RAB11FIP4: variants seen among roughly 807,000 people sequenced by gnomAD.
RAB11FIP4 encodes the protein RAB11 family interacting protein 4.
Under a neutral mutation model 74.3 loss-of-function variants are expected in RAB11FIP4, and 23 were observed. The observed-to-expected ratio is 0.31, with a 90% confidence interval of 0.22 to 0.44. The LOEUF (loss-of-function observed/expected upper bound fraction) is 0.44, where lower values mean the gene tolerates loss of function less well. Ranked by LOEUF, RAB11FIP4 falls within the 20% of genes least tolerant of loss-of-function variation. The pLI is 1.00. For synonymous variants in RAB11FIP4, 360 were observed against 359.9 expected (o/e 1.00, Z 0.00); for missense variants, 630 against 863.9 (o/e 0.73, Z 3.39).
intron 7 of RAB11FIP4, chr17:31,522,655 G>T (rs1370426642): frequency 1.8e-6 from 1 of 542,610 alleles, no homozygotes; most frequent in Non-Finnish European, 3.3e-6. Flanking sequence ...GCATGCCAGG[G>T]ATGCCCTGAG....
intron 3 of RAB11FIP4, among the ~76,000 whole-genome samples, chr17:31,454,742 G>T (rs975556760): frequency 2.6e-5 from 4 of 152,162 alleles, no homozygotes; most frequent in African/African-American, 9.6e-5. Flanking sequence ...AAATTAATCA[G>T]GCCCGGTGGT....
chr17:31,517,196 G>GA (rs2072571047), intron 3 of RAB11FIP4, among the ~76,000 whole-genome samples: 3 of 132,544 alleles, frequency 2.3e-5, no homozygotes, highest in African/African-American at 8.2e-5. Flanking sequence ...CGGTGCGGGG[G>GA]GGGGGGCGGT....
At chr17:31,529,938 G>C (rs181359626) in intron 13 of RAB11FIP4, among the ~76,000 whole-genome samples, 1 of 152,200 alleles carries the variant, frequency 6.6e-6, no homozygotes, top group African/African-American at 2.4e-5. Context: ...CGTGGCTGCT[G>C]GGGGAGCCAA....
intron 3 of RAB11FIP4, among the ~76,000 whole-genome samples, chr17:31,480,194 G>A (rs762869793): frequency 6.6e-6 from 1 of 152,048 alleles, no homozygotes; most frequent in Non-Finnish European, 1.5e-5. Flanking sequence ...ACAAGCCCTC[G>A]GCGGCTGCAC....
chr17:31,524,783 A>T, intron 9 of RAB11FIP4: 1 of 440,634 alleles, frequency 2.3e-6, no homozygotes, highest in South Asian at 2.9e-5. Flanking sequence ...CACAAAAAGA[A>T]GAGGTGAGGC....
rs146120006 is a variant in RAB11FIP4 at position 31,537,849 on chromosome 17, G to A, written c.*6117G>A. The A allele has an allele frequency of 1.8e-3, 280 of 152,960 alleles. 1 individual carries two copies. The highest frequency in any genetic ancestry group is 6.8e-3 in the Middle Eastern group (2 of 296). 9.5% of individuals were successfully genotyped at this position (152,960 alleles called of 1,614,324 possible). On this transcript the variant is annotated 3_prime_UTR_variant, in exon 15 of 15. Coordinates refer to ENST00000621161, the MANE Select transcript of RAB11FIP4 (RefSeq NM_032932.6). ...CATTGCCAAGGACTCACAGCTGTGG[G>A]CTCCCTTCCAGCTCCTCCCACTTTC... is the stretch of plus-strand genomic sequence containing the variant.
At chr17:31,487,817 C>A (rs1025209853) in intron 3 of RAB11FIP4, among the ~76,000 whole-genome samples, 2 of 152,116 alleles carry the variant, frequency 1.3e-5, no homozygotes, top group Admixed American at 1.3e-4. Flanking sequence ...GCTGGGCGCG[C>A]CCAGGCGAGC....
intron 3 of RAB11FIP4, among the ~76,000 whole-genome samples, chr17:31,436,765 T>C (rs201660257): frequency 3.3e-5 from 1 of 30,214 alleles, no homozygotes; most frequent in Non-Finnish European, 6.0e-5. Flanking sequence ...TTTTTTTTTG[T>C]TTTTTTTTGT....
At position 31,534,124 on chromosome 17, in the gene RAB11FIP4, G is replaced by A. The variant is rs758419626; in HGVS notation, c.*2392G>A. 3 of 152,244 alleles carry A rather than the reference G, an allele frequency of 2.0e-5. No homozygotes were observed. Among genetic ancestry groups the A allele is most frequent in the African/African-American group, 4.8e-5 (2 of 41,458 alleles). The allele number at this position is 152,244 out of a possible 1,614,324, so 9.4% of individuals were successfully genotyped here. A position where few individuals can be genotyped will look rare whatever the true frequency, so the allele number is the denominator to read the frequency against. On this transcript the variant is annotated 3_prime_UTR_variant, in exon 15 of 15. Transcript: ENST00000621161. ...CCAGACCCCTTGGTGGCAGGTCCCA[G>A]AGCCTAGGTGGTAGGAGCTTGATCT...
At chr17:31,508,741 ATC>A (rs1162537408) in intron 3 of RAB11FIP4, among the ~76,000 whole-genome samples, 1 of 152,012 alleles carries the variant, frequency 6.6e-6, no homozygotes, top group African/African-American at 2.4e-5. Context: ...AAATGTGTGC[ATC>A]TCTCTTAGTT....
intron 3 of RAB11FIP4, among the ~76,000 whole-genome samples, chr17:31,497,374 C>CAA (rs151121427): frequency 6.8e-6 from 1 of 148,046 alleles, no homozygotes; most frequent in African/African-American, 2.5e-5. Flanking sequence ...AAAAACAAAA[C>CAA]AAAAAAAAAA....
chr17:31,516,879 A>G (rs2072562050), intron 3 of RAB11FIP4, among the ~76,000 whole-genome samples: 9 of 152,102 alleles, frequency 5.9e-5, no homozygotes, highest in Admixed American at 5.9e-4. Context: ...GAGGTTTCCC[A>G]TTGGTTACTT....
intron 3 of RAB11FIP4, among the ~76,000 whole-genome samples, chr17:31,443,283 C>T (rs903031899): frequency 2.0e-5 from 3 of 152,172 alleles, no homozygotes; most frequent in African/African-American, 7.2e-5. Flanking sequence ...AACTTTTTGA[C>T]ATACATTAAA....
chr17:31,425,781 C>G (rs1285082371), intron 1 of RAB11FIP4, among the ~76,000 whole-genome samples: 1 of 152,232 alleles, frequency 6.6e-6, no homozygotes, highest in Non-Finnish European at 1.5e-5. Flanking sequence ...GCGAACCCGT[C>G]TCTCCTGGCC....
intron 1 of RAB11FIP4, among the ~76,000 whole-genome samples, chr17:31,413,544 C>T (rs1024999724): frequency 6.6e-6 from 1 of 151,066 alleles, no homozygotes; most frequent in African/African-American, 2.4e-5. Flanking sequence ...AGCACCTCTA[C>T]GGCCTGGCCT....
chr17:31,413,284 G>A (rs568014883), intron 1 of RAB11FIP4, among the ~76,000 whole-genome samples: 47 of 152,136 alleles, frequency 3.1e-4, no homozygotes, highest in African/African-American at 1.0e-3. Context: ...CCCCTTTGAT[G>A]AGCAGACATT....
At chr17:31,508,385 A>G (rs1243849406) in intron 3 of RAB11FIP4, among the ~76,000 whole-genome samples, 2 of 152,220 alleles carry the variant, frequency 1.3e-5, no homozygotes, top group Non-Finnish European at 2.9e-5. Flanking sequence ...CTGCAGAGCC[A>G]GTGGATCCCC....
intron 1 of RAB11FIP4, among the ~76,000 whole-genome samples, chr17:31,393,047 G>A (rs1033306388): frequency 6.6e-6 from 1 of 152,226 alleles, no homozygotes; most frequent in Admixed American, 6.5e-5. Context: ...GGTTGGGCCC[G>A]TGCCTCTGCG....
intron 1 of RAB11FIP4, chr17:31,431,445 T>G: frequency 4.9e-6 from 1 of 202,600 alleles, no homozygotes. Flanking sequence ...AATGGTGGGA[T>G]TTCTGGGTCA....
Sources: allele counts gnomAD v4.1 joint callset (sites outside exome capture counted in the v4.1 genomes callset), GRCh38; gene constraint gnomAD v4.1.1; transcripts MANE v1.5; gene names NCBI Gene and HGNC (gene_info 2026-07-23, HGNC 2026-07-21).